ARRDC4: variants seen among roughly 807,000 people sequenced by gnomAD.
The protein encoded by ARRDC4 is arrestin domain-containing protein 4.
Under a neutral mutation model 44.6 loss-of-function variants are expected in ARRDC4, and 40 were observed. That is an observed-to-expected ratio of 0.90 (90% CI 0.70 to 1.17). ARRDC4 has a LOEUF of 1.17. Ranked by LOEUF, ARRDC4 falls within the 50% of genes most tolerant of loss-of-function variation. ARRDC4 has a pLI of 0.00. For synonymous variants in ARRDC4, 211 were observed against 221.2 expected (o/e 0.95, Z 0.41); for missense variants, 550 against 559.1 (o/e 0.98, Z 0.16).
intron 1 of ARRDC4, among the ~76,000 whole-genome samples, chr15:97,964,119 T>C (rs879209719): frequency 6.6e-6 from 1 of 152,334 alleles, no homozygotes; most frequent in East Asian, 1.9e-4. Context: ...GTTAACACAT[T>C]AAAAATTGGG....
At chr15:97,962,284 T>C in intron 1 of ARRDC4, among the ~76,000 whole-genome samples, 1 of 152,226 alleles carries the variant, frequency 6.6e-6, no homozygotes, top group East Asian at 1.9e-4. Flanking sequence ...AAACTATATT[T>C]GGAACCAAAA....
chr15:97,969,859 T>C (rs748840636), intron 5 of ARRDC4, 24 bp from the exon 6 acceptor site: 405 of 1,000,942 alleles, frequency 4.0e-4, no homozygotes, highest in African/African-American at 8.9e-4. Flanking sequence ...CCTTTCTCTT[T>C]TTTTTTTTTT....
chr15:97,969,385 C>G lies in ARRDC4; in HGVS notation c.882+6C>G, dbSNP rs1899469960. ...GAGTGGACTATTCCTTAGCTGTAAGCAAAGCTCTTTTTTAAAAAAAAATGT... is the reference window on the plus strand; with the variant it reads ...GAGTGGACTATTCCTTAGCTGTAAGGAAAGCTCTTTTTTAAAAAAAAATGT... On this transcript the variant is annotated splice_donor_region_variant and intron_variant, in intron 5 of 7. Coordinates refer to ENST00000268042, the MANE Select transcript of ARRDC4 (RefSeq NM_183376.3). The G allele has an allele frequency of 1.3e-6, 2 of 1,565,718 alleles. No individual in the cohort carries two copies. The highest frequency in any genetic ancestry group is 1.7e-6 in the Non-Finnish European group (2 of 1,160,960).
rs145281314 is a variant in ARRDC4 at position 97,969,885 on chromosome 15, A to C, written c.885A>C (p.Val295=). 3.3e-5 allele frequency: 52 copies of C among 1,559,664 alleles called. No homozygotes were observed. The East Asian group carries it at 1.2e-3, about 35-fold the overall frequency. Reference sequence around the variant, plus strand: ...TTTTTTTTTTTTTGGCTTATTAGGTATACATTCACATTCCTGGTGCTAAAA... The same window carrying C: ...TTTTTTTTTTTTTGGCTTATTAGGTCTACATTCACATTCCTGGTGCTAAAA... The part of the protein sequence containing the change: ...CIIRVDYSLA[V]YIHIPGAKKL... The change falls in exon 6 of 8, where the codon GTA becomes GTC. Residue 295 remains valine, a splice_region_variant and synonymous_variant. Coordinates refer to ENST00000268042, the MANE Select transcript of ARRDC4 (RefSeq NM_183376.3).
In ARRDC4 at chr15:97,968,016, C is replaced by A; in HGVS notation, c.525C>A (p.Thr175=). The A allele has an allele frequency of 1.3e-6, 2 of 1,586,178 alleles. No individual in the cohort carries two copies. The highest frequency in any genetic ancestry group is 1.1e-5 in the South Asian group (1 of 87,452). The change falls in exon 4 of 8, where the codon ACC becomes ACA. Residue 175 remains threonine, a splice_region_variant and synonymous_variant. Coordinates refer to ENST00000268042, the MANE Select transcript of ARRDC4 (RefSeq NM_183376.3). The surrounding 1 kb of genome is among the most constrained non-coding windows in gnomAD (Gnocchi z 5.4). The stretch of plus-strand genomic sequence containing the variant: ...TTTTATTGTTTGAAATTTTCAAGAC[C>A]CCTGTATTGAAAACTCAAGAGAAAA... ...HVDVNTPALL[T]PVLKTQEKMV...
In ARRDC4 at chr15:97,965,985, T is replaced by C; in HGVS notation, c.465T>C (p.Ser155=). The C allele has an allele frequency of 6.2e-7, 1 of 1,614,144 alleles. No individual in the cohort carries two copies. Among genetic ancestry groups the C allele is most frequent in the South Asian group, 1.1e-5 (1 of 91,088 alleles). Residue 155 remains serine, a synonymous_variant, in exon 3 of 8, where the codon AGT becomes AGC. Transcript: ENST00000268042. The surrounding 1 kb of genome is among the most constrained non-coding windows in gnomAD (Gnocchi z 5.1). ...VLERPKVPDQ[S]VKRELQVVSH... ...AACGACCCAAGGTACCTGATCAGAG[T>C]GTAAAGCGGGAACTCCAGGTTGTTA...
In ARRDC4 at chr15:97,973,340, A is replaced by G. The variant is rs1391739797; in HGVS notation, c.*2153A>G. The G allele has an allele frequency of 2.6e-5, 4 of 152,604 alleles. No homozygotes were observed. The highest frequency in any genetic ancestry group is 4.4e-5 in the Non-Finnish European group (3 of 68,020). 9.5% of individuals were successfully genotyped at this position (152,604 alleles called of 1,614,324 possible). On this transcript the variant is annotated 3_prime_UTR_variant, in exon 8 of 8. Coordinates refer to ENST00000268042, the MANE Select transcript of ARRDC4 (RefSeq NM_183376.3). ...GTCCCTGTGAAATTGAAGTGAAACT[A>G]TCTCTGTAGGACTTAAGAGAATAGC...
chr15:97,969,392 C>G lies in ARRDC4; in HGVS notation c.882+13C>G. ...CTATTCCTTAGCTGTAAGCAAAGCT[C>G]TTTTTTAAAAAAAAATGTGTATGAT... is the stretch of plus-strand genomic sequence containing the variant. On this transcript the variant is annotated intron_variant, in intron 5 of 7. Coordinates refer to ENST00000268042, the MANE Select transcript of ARRDC4 (RefSeq NM_183376.3). The G allele has an allele frequency of 6.3e-7, 1 of 1,581,180 alleles. No homozygotes were observed. The highest frequency in any genetic ancestry group is 8.7e-7 in the Non-Finnish European group (1 of 1,155,372).
chr15:97,969,998 G>C lies in ARRDC4; in HGVS notation c.998G>C (p.Ser333Thr), dbSNP rs768837088. The C allele has an allele frequency of 5.6e-6, 9 of 1,613,198 alleles. No homozygotes were observed. The African/African-American group carries it at 1.2e-4, about 22-fold the overall frequency. The change falls in exon 6 of 8, where the codon AGT becomes ACT. Residue 333 changes from serine to threonine, a missense_variant. By Grantham distance (58) the Ser-to-Thr change is moderately conservative. Transcript: ENST00000268042. ...SRNSSIASQF[S>T]MDMSWLTLTL... ...AACTCCAGCATTGCCAGCCAGTTCA[G>C]TATGGATATGAGCTGGTTGACACTG...
intron 1 of ARRDC4, among the ~76,000 whole-genome samples, chr15:97,963,064 G>C (rs1899348632): frequency 1.3e-5 from 2 of 152,156 alleles, no homozygotes; most frequent in African/African-American, 4.8e-5. Flanking sequence ...TCAGTTCTTG[G>C]TCACCCACCA....
chr15:97,969,861 T>C (rs778670079), intron 5 of ARRDC4, 22 bp from the exon 6 acceptor site: 10 of 1,493,688 alleles, frequency 6.7e-6, no homozygotes, highest in African/African-American at 2.8e-5. Flanking sequence ...TTTCTCTTTT[T>C]TTTTTTTTTT....
intron 1 of ARRDC4, among the ~76,000 whole-genome samples, chr15:97,962,266 A>C (rs931542595): frequency 6.6e-6 from 1 of 152,224 alleles, no homozygotes; most frequent in Non-Finnish European, 1.5e-5. Context: ...CCAAAATTGT[A>C]GTGAGGAAAA....
At position 97,960,944 on chromosome 15, in the gene ARRDC4, G is replaced by A; in HGVS notation, c.83G>A (p.Arg28His). ...KSLGLVFEDE[R>H]KGCYSSGETV... ...CTGGGTCTGGTGTTCGAGGACGAGC[G>A]CAAGGGCTGCTATTCCAGCGGCGAG... The change falls in exon 1 of 8, where the codon CGC (arginine) becomes CAC (histidine). Residue 28 changes from arginine to histidine, a missense_variant. Transcript: ENST00000268042. 2 of 1,468,610 alleles carry A rather than the reference G, an allele frequency of 1.4e-6. No individual in the cohort carries two copies. Among genetic ancestry groups the A allele is most frequent in the South Asian group, 1.3e-5 (1 of 76,238 alleles). 91.0% of individuals were successfully genotyped at this position (1,468,610 alleles called of 1,614,324 possible).
intron 1 of ARRDC4, among the ~76,000 whole-genome samples, chr15:97,963,587 C>G (rs969512560): frequency 6.6e-6 from 1 of 152,160 alleles, no homozygotes; most frequent in African/African-American, 2.4e-5. Flanking sequence ...ATTTCCCTTC[C>G]TATCTGTCTC....
Position 97,965,981 on chromosome 15 carries a change from A to G in ARRDC4, c.461A>G (p.Gln154Arg). The change falls in exon 3 of 8, where the codon CAG becomes CGG. Residue 154 changes from glutamine (Q) to arginine (R), a missense_variant. Coordinates refer to ENST00000268042, the MANE Select transcript of ARRDC4 (RefSeq NM_183376.3). The surrounding 1 kb of genome is among the most constrained non-coding windows in gnomAD (Gnocchi z 5.1). Reference sequence around the variant, plus strand: ...TTGGAACGACCCAAGGTACCTGATCAGAGTGTAAAGCGGGAACTCCAGGTT... The same window carrying G: ...TTGGAACGACCCAAGGTACCTGATCGGAGTGTAAAGCGGGAACTCCAGGTT... The part of the protein sequence containing the change: ...AVLERPKVPD[Q>R]SVKRELQVVS... 2 of 1,614,216 alleles carry G rather than the reference A, an allele frequency of 1.2e-6. No individual in the cohort carries two copies. Among genetic ancestry groups the G allele is most frequent in the Non-Finnish European group, 1.7e-6 (2 of 1,180,026 alleles).
rs780339085 is a variant in ARRDC4, at chr15:97,965,400, G to C, written c.308-200G>C. On this transcript the variant is annotated intron_variant, in intron 1 of 7. Coordinates refer to ENST00000268042, the MANE Select transcript of ARRDC4 (RefSeq NM_183376.3). The surrounding 1 kb of genome is among the most constrained non-coding windows in gnomAD (Gnocchi z 5.1). ...AGCACTCTGGCCTGGGCAATAGAGCGAGACCCTGTCTCTAAAACACATAGA... is the reference window on the plus strand; with the variant it reads ...AGCACTCTGGCCTGGGCAATAGAGCCAGACCCTGTCTCTAAAACACATAGA... Among the ~76,000 whole-genome samples the C allele has an allele frequency of 9.2e-5, 14 of 152,042 alleles. No homozygotes were observed. In the South Asian group the frequency reaches 2.5e-3, roughly 27 times the overall value.
rs1899500029 is a variant in ARRDC4 at position 97,970,875 on chromosome 15, TG to T, written c.1200+134del. On this transcript the variant is annotated intron_variant, in intron 7 of 7. Transcript: ENST00000268042. The surrounding 1 kb of genome is among the most constrained non-coding windows in gnomAD (Gnocchi z 4.2). ...GATACATTTAAATTTGTTTATACAG[TG>T]GTAATAGATTATCGCTGATTCATTT... The T allele has an allele frequency of 8.8e-6, 10 of 1,136,904 alleles. No individual in the cohort carries two copies. The highest frequency in any genetic ancestry group is 1.2e-5 in the Non-Finnish European group (10 of 812,088). The allele number at this position is 1,136,904 out of a possible 1,614,324, so 70.4% of individuals were successfully genotyped here. A position where few individuals can be genotyped will look rare whatever the true frequency, so the allele number is the denominator to read the frequency against.
rs997007424 is a variant in ARRDC4 at position 97,973,508 on chromosome 15, G to A, written c.*2321G>A. The A allele has an allele frequency of 4.6e-5, 7 of 152,566 alleles. No homozygotes were observed. The highest frequency in any genetic ancestry group is 1.4e-4 in the African/African-American group (6 of 41,440). 9.5% of individuals were successfully genotyped at this position (152,566 alleles called of 1,614,324 possible). On this transcript the variant is annotated 3_prime_UTR_variant, in exon 8 of 8. Coordinates refer to ENST00000268042, the MANE Select transcript of ARRDC4 (RefSeq NM_183376.3). Reference sequence around the variant, plus strand: ...AATGAAGATTAAAAATGTAGCTGCTGTTATTTGCTTGGTTATTCCCCTCTT... The same window carrying A: ...AATGAAGATTAAAAATGTAGCTGCTATTATTTGCTTGGTTATTCCCCTCTT...
rs1318249821 is a variant in ARRDC4, at chr15:97,965,426, C to G, written c.308-174C>G. On this transcript the variant is annotated intron_variant, in intron 1 of 7. Transcript: ENST00000268042. The surrounding 1 kb of genome is among the most constrained non-coding windows in gnomAD (Gnocchi z 5.1). ...AGACCCTGTCTCTAAAACACATAGA[C>G]ACACGCACACACACCCCCCTTCAAA... is the stretch of plus-strand genomic sequence containing the variant. 1.3e-5 allele frequency among the ~76,000 whole-genome samples: 2 copies of G among 151,954 alleles called. No individual in the cohort carries two copies. Among genetic ancestry groups the G allele is most frequent in the Admixed American group, 6.6e-5 (1 of 15,242 alleles).
Sources: allele counts gnomAD v4.1 joint callset (sites outside exome capture counted in the v4.1 genomes callset), GRCh38; gene constraint gnomAD v4.1.1; non-coding constraint Gnocchi (gnomAD v3.1); transcripts MANE v1.5; gene names NCBI Gene and HGNC (gene_info 2026-07-23, HGNC 2026-07-21).